Variants in SRPX observed in about 807,000 individuals in gnomAD.
SRPX encodes sushi repeat containing protein X-linked, also known as sushi repeat-containing protein SRPX.
In SRPX, 24 loss-of-function variants were observed where a neutral mutation model predicts 38.1. That is an observed-to-expected ratio of 0.63 (90% CI 0.46 to 0.89). The LOEUF (loss-of-function observed/expected upper bound fraction) is 0.89, where lower values mean the gene tolerates loss of function less well. Among genes scored for constraint, SRPX ranks in the 40% least tolerant of loss-of-function variants. The probability of loss-of-function intolerance (pLI) is 0.00; values close to 1 mark genes in which losing one functional copy is unlikely to be tolerated. For missense variants in SRPX, 416 were observed against 377.8 expected, an observed-to-expected ratio of 1.10 and a Z score of -0.84; for synonymous variants, 184 against 153.8, an observed-to-expected ratio of 1.20 and a Z score of -1.45.
chrX:38,171,831 C>A, intron 4 of SRPX, 50 bp downstream of exon 4: 1 of 1,171,863 alleles, frequency 8.5e-7, no homozygotes, highest in Non-Finnish European at 1.2e-6. Context: ...GTGAACACCC[C>A]CTGCTCCTCC....
At chrX:38,159,116 C>A (rs777985167) in intron 7 of SRPX, among the ~76,000 whole-genome samples, 1 of 112,085 alleles carries the variant, frequency 8.9e-6, no homozygotes, top group East Asian at 2.8e-4. Context: ...ACTTTATATT[C>A]TTTTTCACAC....
At chrX:38,165,208 T>A (rs1466445647) in intron 4 of SRPX, among the ~76,000 whole-genome samples, 1 of 112,170 alleles carries the variant, frequency 8.9e-6, no homozygotes, top group Non-Finnish European at 1.9e-5. Flanking sequence ...GAAGGCCACA[T>A]GGCAGTTACC....
intron 4 of SRPX, among the ~76,000 whole-genome samples, chrX:38,167,153 T>C (rs1175009501): frequency 3.6e-5 from 4 of 112,340 alleles, no homozygotes; most frequent in Non-Finnish European, 1.9e-5. Context: ...GTTATTAGCA[T>C]CCTCATTTAT....
intron 9 of SRPX, 140 bp from the exon 10 acceptor site, chrX:38,150,034 T>C (rs924940253): frequency 8.0e-6 from 4 of 499,767 alleles, no homozygotes; most frequent in African/African-American, 4.8e-5. Context: ...TTAGACCCTG[T>C]CTACTCCAAC....
intron 1 of SRPX, among the ~76,000 whole-genome samples, chrX:38,220,179 G>T (rs767983331): frequency 9.4e-4 from 107 of 113,533 alleles, no homozygotes; most frequent in Non-Finnish European, 1.8e-3. Flanking sequence ...GGGGGGTTAA[G>T]AGATTCAGGG....
intron 1 of SRPX, among the ~76,000 whole-genome samples, chrX:38,206,736 G>A (rs1044315147): frequency 6.2e-5 from 7 of 112,042 alleles, no homozygotes; most frequent in Non-Finnish European, 1.3e-4. Context: ...ACTGCTCACT[G>A]GGCAACTGCT....
intron 1 of SRPX, among the ~76,000 whole-genome samples, chrX:38,198,759 C>T (rs890410432): frequency 9.0e-6 from 1 of 111,651 alleles, no homozygotes; most frequent in East Asian, 2.8e-4. Flanking sequence ...AAAGGTGACT[C>T]GTTGCATAAT....
At chrX:38,209,662 G>A (rs1194801417) in intron 1 of SRPX, among the ~76,000 whole-genome samples, 1 of 112,387 alleles carries the variant, frequency 8.9e-6, no homozygotes, top group Non-Finnish European at 1.9e-5. Flanking sequence ...ATTTGGATGA[G>A]GAAATTTTAC....
At position 38,215,344 on chromosome X, in the gene SRPX, A is replaced by G. The variant is rs377644626; in HGVS notation, c.97+5352T>C. On this transcript the variant is annotated intron_variant, in intron 1 of 9. Coordinates refer to ENST00000378533, the MANE Select transcript of SRPX (RefSeq NM_006307.5). ...GAGGTTTCTGAGGTCAGAATGTGCC[A>G]GACACCCGTAAGATCCAGGTGCTAC... is the stretch of plus-strand genomic sequence containing the variant. Among the ~76,000 whole-genome samples, 32 of 111,799 alleles carry G rather than the reference A, an allele frequency of 2.9e-4. No individual in the cohort carries two copies. The East Asian group carries it at 5.9e-3, about 21-fold the overall frequency.
At chrX:38,173,616 A>AT (rs1938515436) in intron 3 of SRPX, among the ~76,000 whole-genome samples, 1 of 110,546 alleles carries the variant, frequency 9.0e-6, no homozygotes, top group Non-Finnish European at 1.9e-5. Context: ...CACCCAGCTA[A>AT]TTTTTTGTAT....
chrX:38,218,954 C>A (rs904239934), intron 1 of SRPX, among the ~76,000 whole-genome samples: 1 of 111,148 alleles, frequency 9.0e-6, no homozygotes, highest in Non-Finnish European at 1.9e-5. Flanking sequence ...GTGGTCTGAG[C>A]AGAGCCGGAG....
At chrX:38,213,941 T>C (rs747396378) in intron 1 of SRPX, among the ~76,000 whole-genome samples, 63 of 111,485 alleles carry the variant, frequency 5.7e-4, no homozygotes, top group Non-Finnish European at 8.7e-4. Flanking sequence ...CCCCCCATGA[T>C]CCAATCACCT....
chrX:38,149,878 G>A lies in SRPX; in HGVS notation c.1228C>T (p.Pro410Ser), dbSNP rs764174691. The A allele has an allele frequency of 2.1e-5, 25 of 1,204,504 alleles. No homozygotes were observed. Among genetic ancestry groups the A allele is most frequent in the Non-Finnish European group, 2.8e-5 (25 of 892,554 alleles). ...AGCACCATACTGAAGGAGTAGAGTG[G>A]GATTCGCAGCAACAGCCTGTGGCAG... is the stretch of plus-strand genomic sequence containing the variant. ...ALQLRLLLRI[P>S]LYSFSMVLVD... is the part of the protein sequence containing the mutation. The change falls in exon 10 of 10, where the codon CCA (proline) becomes TCA (serine). Residue 410 changes from proline to serine, a missense_variant. By Grantham distance (74) the Pro-to-Ser change is moderately conservative. Transcript: ENST00000378533.
intron 5 of SRPX, 70 bp downstream of exon 5, chrX:38,164,699 C>T (rs1938330617): frequency 8.8e-7 from 1 of 1,138,334 alleles, no homozygotes; most frequent in Non-Finnish European, 1.2e-6. Flanking sequence ...TATATACACT[C>T]CCCTACTCTG....
Position 38,149,537 on chromosome X carries a change from C to T in SRPX, c.*174G>A, listed in dbSNP as rs1336063149. The T allele has an allele frequency of 1.8e-5, 8 of 455,089 alleles. No individual in the cohort carries two copies. Among genetic ancestry groups the T allele is most frequent in the South Asian group, 5.8e-5 (1 of 17,227 alleles). The allele number at this position is 455,089 out of a possible 1,213,427, so 37.5% of individuals were successfully genotyped here. A position where few individuals can be genotyped will look rare whatever the true frequency, so the allele number is the denominator to read the frequency against. On this transcript the variant is annotated 3_prime_UTR_variant, in exon 10 of 10. Transcript: ENST00000378533. ...TATGGTCATATAATTTTTTGAAACACTTCCAAGTACAAAAAGCAGCATGCT... is the reference window on the plus strand; with the variant it reads ...TATGGTCATATAATTTTTTGAAACATTTCCAAGTACAAAAAGCAGCATGCT...
intron 1 of SRPX, among the ~76,000 whole-genome samples, chrX:38,193,059 C>T (rs1362060870): frequency 8.9e-6 from 1 of 112,122 alleles, no homozygotes; most frequent in Non-Finnish European, 1.9e-5. Flanking sequence ...GTCTTACTGG[C>T]CAAGGTAGAC....
At chrX:38,159,837 A>G (rs987715485) in intron 7 of SRPX, among the ~76,000 whole-genome samples, 180 bp downstream of exon 7, 1 of 112,524 alleles carries the variant, frequency 8.9e-6, no homozygotes, top group Non-Finnish European at 1.9e-5. Context: ...AGGCAGGGGC[A>G]AGATGGATGG....
At chrX:38,202,353 G>A (rs1189021462) in intron 1 of SRPX, among the ~76,000 whole-genome samples, 1 of 111,271 alleles carries the variant, frequency 9.0e-6, no homozygotes, top group Non-Finnish European at 1.9e-5. Context: ...AAAAAGGAGA[G>A]GAGAGAGAGT....
At chrX:38,178,371 A>G (rs1278055358) in intron 1 of SRPX, 27 bp from the exon 2 acceptor site, 3 of 1,160,200 alleles carry the variant, frequency 2.6e-6, no homozygotes, top group Non-Finnish European at 3.5e-6. Context: ...CAGAAACTGC[A>G]GCAAGAAAAG....
Sources: gnomAD v4.1 joint callset for allele counts (sites outside exome capture counted in the v4.1 genomes callset) on GRCh38, gnomAD v4.1.1 for gene constraint, MANE v1.5 for transcripts, NCBI Gene and HGNC (gene_info 2026-07-23, HGNC 2026-07-21) for gene names.